The following CT55 variants were observed in gnomAD, a reference collection of about 807,000 sequenced individuals.
CT55 encodes the protein cancer/testis antigen 55.
In CT55, 1 loss-of-function variant was observed where a neutral mutation model predicts 12.6. The observed-to-expected ratio is 0.08, with a 90% CI of 0.03 to 0.38. CT55 has a LOEUF of 0.38. Among genes scored for constraint, CT55 ranks in the 10% least tolerant of loss-of-function variants. CT55 has a pLI of 0.99. For missense variants in CT55, 109 were observed against 135.4 expected (o/e 0.80, Z 0.97); for synonymous variants, 43 against 49.7 (o/e 0.87, Z 0.57).
At chrX:135,158,139 A>T (rs782785322) in intron 4 of CT55, 60 bp downstream of exon 4, 2 of 691,796 alleles carry the variant, frequency 2.9e-6, no homozygotes, top group African/African-American at 4.3e-5. Context: ...GGTCACGTAA[A>T]TTATCACCAA....
At chrX:135,160,264 A>T in intron 3 of CT55, 147 bp downstream of exon 3, 1 of 551,021 alleles carries the variant, frequency 1.8e-6, no homozygotes, top group East Asian at 4.1e-5. Context: ...TTGCCCCTAT[A>T]CTGTACTTAA....
In CT55 at chrX:135,161,631, A is replaced by C. The variant is rs186386477; in HGVS notation, c.280-1076T>G. Among the ~76,000 whole-genome samples, 6 of 112,560 alleles carry C rather than the reference A, an allele frequency of 5.3e-5. No individual in the cohort carries two copies. In the East Asian group the frequency reaches 1.7e-3, roughly 31 times the overall value. On this transcript the variant is annotated intron_variant, in intron 2 of 5. Coordinates refer to ENST00000276241, the MANE Select transcript of CT55 (RefSeq NM_001031705.3). Reference sequence around the variant, plus strand: ...TAATTAGACATTTCACTTGTGTCATAGCATTTGGACTACTTGCCTGACTTA... The same window carrying C: ...TAATTAGACATTTCACTTGTGTCATCGCATTTGGACTACTTGCCTGACTTA...
chrX:135,168,094 T>C (rs1442908467), intron 2 of CT55, among the ~76,000 whole-genome samples: 2 of 112,092 alleles, frequency 1.8e-5, no homozygotes, highest in Non-Finnish European at 3.8e-5. Flanking sequence ...CTACTGAGCA[T>C]GTATCCAAAG....
intron 2 of CT55, among the ~76,000 whole-genome samples, chrX:135,163,130 A>G (rs781982140): frequency 4.5e-5 from 5 of 112,315 alleles, no homozygotes; most frequent in African/African-American, 1.3e-4. Flanking sequence ...ATGGATACCT[A>G]CTTCTTCAAT....
chrX:135,162,652 G>A (rs1439057632), intron 2 of CT55, among the ~76,000 whole-genome samples: 5 of 111,486 alleles, frequency 4.5e-5, no homozygotes, highest in Non-Finnish European at 9.4e-5. Flanking sequence ...TCCATCCAGA[G>A]GAGAGAGACA....
intron 2 of CT55, among the ~76,000 whole-genome samples, chrX:135,167,991 GTGGGA>G (rs2083593298): frequency 9.0e-6 from 1 of 111,499 alleles, no homozygotes; most frequent in South Asian, 3.9e-4. Flanking sequence ...TGCACGGTTG[GTGGGA>G]TGTAAATTGT....
intron 1 of CT55, 126 bp downstream of exon 1, chrX:135,170,952 G>A: frequency 1.9e-6 from 2 of 1,074,139 alleles, no homozygotes; most frequent in African/African-American, 1.9e-5. Context: ...CCCCATGCAC[G>A]CACAAGATGG....
chrX:135,163,052 T>C (rs2083569045), intron 2 of CT55, among the ~76,000 whole-genome samples: 1 of 111,680 alleles, frequency 9.0e-6, no homozygotes, highest in Non-Finnish European at 1.9e-5. Flanking sequence ...AAAAGAGACC[T>C]ATATAGAGTT....
chrX:135,159,650 G>A (rs1354598718), intron 3 of CT55, among the ~76,000 whole-genome samples: 3 of 111,051 alleles, frequency 2.7e-5, no homozygotes, highest in East Asian at 5.7e-4. Flanking sequence ...ATATTACAAC[G>A]TTTTCCTGAC....
At chrX:135,158,751 A>G (rs781965189) in intron 3 of CT55, among the ~76,000 whole-genome samples, 2 of 112,406 alleles carry the variant, frequency 1.8e-5, no homozygotes, top group Non-Finnish European at 1.9e-5. Flanking sequence ...CGATTTCTTC[A>G]TCTATAAAAT....
At chrX:135,166,688 G>C (rs2083586676) in intron 2 of CT55, among the ~76,000 whole-genome samples, 2 of 111,539 alleles carry the variant, frequency 1.8e-5, no homozygotes, top group Non-Finnish European at 3.8e-5. Context: ...ACGGGAAGCT[G>C]TTACTTATAA....
rs184260718 is a variant in CT55 at position 135,167,904 on chromosome X, G to A, written c.279+1690C>T. Among the ~76,000 whole-genome samples, 21 of 111,082 alleles carry A rather than the reference G, an allele frequency of 1.9e-4. 1 individual carries two copies. In the East Asian group the frequency reaches 5.3e-3, roughly 28 times the overall value. On this transcript the variant is annotated intron_variant, in intron 2 of 5. Coordinates refer to ENST00000276241, the MANE Select transcript of CT55 (RefSeq NM_001031705.3). ...CGGAACCACAGAGATACCGAGTCAC[G>A]CATGTTAGAATGGCTAACATTAAAA... is the stretch of plus-strand genomic sequence containing the variant.
intron 2 of CT55, among the ~76,000 whole-genome samples, chrX:135,161,147 A>C (rs1452402330): frequency 9.1e-6 from 1 of 110,153 alleles, no homozygotes; most frequent in Non-Finnish European, 1.9e-5. Flanking sequence ...TGGAGCAATA[A>C]CCTCAACTGG....
intron 2 of CT55, among the ~76,000 whole-genome samples, chrX:135,166,934 C>T (rs573886891): frequency 2.7e-5 from 3 of 111,746 alleles, no homozygotes; most frequent in Non-Finnish European, 3.8e-5. Flanking sequence ...AAACCATTGA[C>T]GAAGCAAATT....
At chrX:135,160,836 G>A (rs2083559468) in intron 2 of CT55, among the ~76,000 whole-genome samples, 1 of 111,723 alleles carries the variant, frequency 9.0e-6, no homozygotes, top group African/African-American at 3.3e-5. Context: ...TCCTTCGCCT[G>A]CAGAAATTCA....
intron 3 of CT55, among the ~76,000 whole-genome samples, chrX:135,158,702 T>C (rs2083548340): frequency 8.9e-6 from 1 of 112,371 alleles, no homozygotes. Context: ...ACTCACTCAG[T>C]TGGCAACCTT....
At chrX:135,164,753 A>G (rs189308095) in intron 2 of CT55, among the ~76,000 whole-genome samples, 83 of 112,277 alleles carry the variant, frequency 7.4e-4, no homozygotes, top group African/African-American at 2.5e-3. Flanking sequence ...TCTTCCATGT[A>G]AAGGGAAACC....
In CT55 at chrX:135,169,612, A is replaced by G. The variant is rs1556406461; in HGVS notation, c.261T>C (p.Tyr87=). 6 of 1,208,429 alleles carry G rather than the reference A, an allele frequency of 5.0e-6. No individual in the cohort carries two copies. Among genetic ancestry groups the G allele is most frequent in the Non-Finnish European group, 6.7e-6 (6 of 893,663 alleles). ...ATCTCACCTTGATTGCTCTCAATCCATAATGTGGTTTATCTTCTTCCACAA... is the reference window on the plus strand; with the variant it reads ...ATCTCACCTTGATTGCTCTCAATCCGTAATGTGGTTTATCTTCTTCCACAA... The part of the protein sequence containing the change: ...NVVVEEDKPH[Y]GLRAIKVDVV... The change falls in exon 2 of 6, where the codon TAT becomes TAC. Residue 87 remains tyrosine (Y), a synonymous_variant. Coordinates refer to ENST00000276241, the MANE Select transcript of CT55 (RefSeq NM_001031705.3).
intron 2 of CT55, among the ~76,000 whole-genome samples, chrX:135,162,981 C>T (rs2083568783): frequency 9.0e-6 from 1 of 111,595 alleles, no homozygotes; most frequent in African/African-American, 3.3e-5. Flanking sequence ...GCCGCTGTGT[C>T]CCTGTGAATA....
Sources: allele counts gnomAD v4.1 joint callset (sites outside exome capture counted in the v4.1 genomes callset), GRCh38; gene constraint gnomAD v4.1.1; transcripts MANE v1.5; gene names NCBI Gene and HGNC (gene_info 2026-07-23, HGNC 2026-07-21).